Variants in PACRG observed in about 807,000 individuals in gnomAD.
The protein encoded by PACRG is parkin coregulated.
PACRG carries 29 observed loss-of-function variants against 29.7 expected under a neutral mutation model. That is an observed-to-expected ratio of 0.98 (90% CI 0.73 to 1.33). The LOEUF is 1.33. PACRG is among the 40% of genes most tolerant of loss of function. The pLI, the probability that PACRG is intolerant of heterozygous loss-of-function variation, is 0.00. For missense variants in PACRG, 279 were observed against 316.2 expected, an observed-to-expected ratio of 0.88 and a Z score of 0.89; for synonymous variants, 116 against 118.7, an observed-to-expected ratio of 0.98 and a Z score of 0.15.
At chr6:163,038,388 G>A (rs944726035) in intron 2 of PACRG, among the ~76,000 whole-genome samples, 9 of 152,136 alleles carry the variant, frequency 5.9e-5, no homozygotes, top group Admixed American at 1.3e-4. Flanking sequence ...AAGAAAATGG[G>A]GACAGATTCT....
chr6:162,862,683 G>A (rs1395525820), intron 2 of PACRG, among the ~76,000 whole-genome samples: 3 of 152,152 alleles, frequency 2.0e-5, no homozygotes, highest in Non-Finnish European at 4.4e-5. Context: ...TTTCAGATAC[G>A]TTTCTCAACC....
At chr6:163,295,268 C>T (rs1006847994) in intron 4 of PACRG, among the ~76,000 whole-genome samples, 4 of 152,116 alleles carry the variant, frequency 2.6e-5, no homozygotes, top group Non-Finnish European at 5.9e-5. Context: ...AAAAATGACA[C>T]GGACCAAAAA....
chr6:162,775,422 G>T (rs77442212), intron 1 of PACRG, among the ~76,000 whole-genome samples: 1 of 152,170 alleles, frequency 6.6e-6, no homozygotes, highest in Admixed American at 6.5e-5. Context: ...AGTGTTAGAG[G>T]TATATACTTA....
chr6:162,748,492 C>CA (rs776369195), intron 1 of PACRG, among the ~76,000 whole-genome samples: 2 of 151,824 alleles, frequency 1.3e-5, no homozygotes, highest in African/African-American at 4.8e-5. Flanking sequence ...GACTCCATCT[C>CA]AAAAAAACAA....
intron 2 of PACRG, among the ~76,000 whole-genome samples, chr6:162,912,565 T>C (rs1345422939): frequency 5.9e-5 from 9 of 151,498 alleles, no homozygotes; most frequent in African/African-American, 2.2e-4. Flanking sequence ...AAGTCACATA[T>C]TATATTCTTT....
chr6:163,190,256 A>T (rs1055846546), intron 4 of PACRG: 7 of 152,204 alleles, frequency 4.6e-5, no homozygotes, highest in African/African-American at 1.4e-4. Context: ...TTCAATGAGG[A>T]CTACACATTT....
At chr6:162,964,254 T>A (rs1800855841) in intron 2 of PACRG, among the ~76,000 whole-genome samples, 1 of 152,174 alleles carries the variant, frequency 6.6e-6, no homozygotes, top group African/African-American at 2.4e-5. Context: ...CTTACTCTTC[T>A]TGTCTATAAA....
Position 163,108,301 on chromosome 6 carries a change from C to G in PACRG, c.613+18893C>G, listed in dbSNP as rs534031395. ...TAGAAAGTGTCTGCTTGCCCTTCGCCTTCTACCATTGTAAGTTTCCTGAGG... is the reference window on the plus strand; with the variant it reads ...TAGAAAGTGTCTGCTTGCCCTTCGCGTTCTACCATTGTAAGTTTCCTGAGG... On this transcript the variant is annotated intron_variant, in intron 4 of 4. Transcript: ENST00000366888. Among the ~76,000 whole-genome samples, 807 of 151,972 alleles carry G rather than the reference C, an allele frequency of 5.3e-3. 2 individuals carry two copies. The highest frequency in any genetic ancestry group is 0.014 in the Middle Eastern group (4 of 292).
At chr6:163,130,781 T>G (rs1562931800) in intron 4 of PACRG, among the ~76,000 whole-genome samples, 1 of 152,128 alleles carries the variant, frequency 6.6e-6, no homozygotes, top group Non-Finnish European at 1.5e-5. Flanking sequence ...GCGGGTCCTT[T>G]GCCTGGGGTT....
chr6:163,108,516 C>T (rs1815523160), intron 4 of PACRG, among the ~76,000 whole-genome samples: 2 of 150,954 alleles, frequency 1.3e-5, no homozygotes, highest in African/African-American at 4.9e-5. Flanking sequence ...GCCTCAGTCC[C>T]TGAGTAGCTG....
At chr6:163,124,441 G>C (rs1816434103) in intron 4 of PACRG, among the ~76,000 whole-genome samples, 1 of 152,152 alleles carries the variant, frequency 6.6e-6, no homozygotes, top group Non-Finnish European at 1.5e-5. Context: ...GTCTTAAGTT[G>C]AATTTCTAAA....
At chr6:163,068,509 G>T (rs1389230084) in intron 3 of PACRG, among the ~76,000 whole-genome samples, 3 of 150,068 alleles carry the variant, frequency 2.0e-5, no homozygotes, top group African/African-American at 7.4e-5. Context: ...AATTTTCCCA[G>T]GAAATTTCAA....
chr6:162,866,658 C>T (rs1792321776), intron 2 of PACRG, among the ~76,000 whole-genome samples: 1 of 152,116 alleles, frequency 6.6e-6, no homozygotes, highest in African/African-American at 2.4e-5. Context: ...TTCCAATTCC[C>T]CTGTTTCAAC....
chr6:162,780,129 A>C (rs1783981396), intron 1 of PACRG, among the ~76,000 whole-genome samples: 1 of 152,214 alleles, frequency 6.6e-6, no homozygotes, highest in Non-Finnish European at 1.5e-5. Flanking sequence ...CAGGGGAAAG[A>C]AGCACCTAAA....
intron 2 of PACRG, among the ~76,000 whole-genome samples, chr6:162,938,740 C>T (rs1227039508): frequency 2.6e-5 from 4 of 152,106 alleles, no homozygotes; most frequent in African/African-American, 9.7e-5. Flanking sequence ...ATTTGCATTT[C>T]CCTGATCATT....
intron 4 of PACRG, among the ~76,000 whole-genome samples, chr6:163,176,053 A>G (rs1779343072): frequency 6.6e-6 from 1 of 152,226 alleles, no homozygotes; most frequent in Non-Finnish European, 1.5e-5. Context: ...CAAAGAAACA[A>G]CAAAACACAA....
chr6:162,933,471 A>G (rs1468625492), intron 2 of PACRG, among the ~76,000 whole-genome samples: 4 of 152,084 alleles, frequency 2.6e-5, no homozygotes, highest in Non-Finnish European at 4.4e-5. Context: ...ACTGAGGTTT[A>G]TCTGTCTCTC....
chr6:162,903,544 G>A (rs921946046), intron 2 of PACRG, among the ~76,000 whole-genome samples: 11 of 151,940 alleles, frequency 7.2e-5, no homozygotes, highest in African/African-American at 2.7e-4. Context: ...AGTGAAAGGG[G>A]TTTCCCCTTA....
intron 1 of PACRG, among the ~76,000 whole-genome samples, chr6:162,788,718 A>G (rs947016381): frequency 6.6e-6 from 1 of 152,190 alleles, no homozygotes; most frequent in Non-Finnish European, 1.5e-5. Context: ...TAGATGTGTC[A>G]TGATACCTCA....
Sources: allele counts gnomAD v4.1 joint callset (sites outside exome capture counted in the v4.1 genomes callset), GRCh38; gene constraint gnomAD v4.1.1; transcripts MANE v1.5; gene names NCBI Gene and HGNC (gene_info 2026-07-23, HGNC 2026-07-21).